The following RASA2 variants were observed in gnomAD, a reference collection of about 807,000 sequenced individuals.
RASA2 encodes RAS p21 protein activator 2, also known as ras GTPase-activating protein 2.
Under a neutral mutation model 118.2 loss-of-function variants are expected in RASA2, and 155 were observed. That is an observed-to-expected ratio of 1.31 (90% CI 1.15 to 1.50). The LOEUF (loss-of-function observed/expected upper bound fraction) is 1.50. RASA2 is among the 40% of genes most tolerant of loss of function. The probability of loss-of-function intolerance (pLI) is 0.00; values close to 1 mark genes in which losing one functional copy is unlikely to be tolerated. For missense variants in RASA2, 1,016 were observed against 1,009.6 expected, an observed-to-expected ratio of 1.01 and a Z score of -0.09; for synonymous variants, 353 against 349.1, an observed-to-expected ratio of 1.01 and a Z score of -0.12.
chr3:141,500,581 G>A (rs990770953), intron 1 of RASA2, among the ~76,000 whole-genome samples: 5 of 152,148 alleles, frequency 3.3e-5, no homozygotes, highest in African/African-American at 1.2e-4. Flanking sequence ...GTTGTGAAAA[G>A]GTTAAATGAC....
intron 2 of RASA2, 73 bp from the exon 3 acceptor site, chr3:141,516,252 AATT>A (rs1162600754): frequency 1.7e-5 from 17 of 980,024 alleles, no homozygotes; most frequent in South Asian, 6.0e-5. Context: ...GTATTTATAC[AATT>A]ATTATTGAAA....
chr3:141,580,086 ATATATATATATATATAT>A lies in RASA2; in HGVS notation c.1591-281_1591-265del, dbSNP rs1265346740. ...AAAAAAAAGAAAAAAAAAAAAAAAA[ATATATATATATATATAT>A]ATATATATATATATGACTTTTAAAA... On this transcript the variant is annotated intron_variant, in intron 15 of 23. Transcript: ENST00000286364. Among the ~76,000 whole-genome samples, 733 of 51,276 alleles carry A rather than the reference ATATATATATATATATAT, an allele frequency of 0.014. 8 individuals are homozygous for A. The highest frequency in any genetic ancestry group is 0.022 in the Non-Finnish European group (615 of 28,446). 33.6% of individuals were successfully genotyped at this position (51,276 alleles called of 152,430 possible).
At chr3:141,491,883 TATTTA>T (rs1053157528) in intron 1 of RASA2, among the ~76,000 whole-genome samples, 25 of 152,260 alleles carry the variant, frequency 1.6e-4, no homozygotes, top group African/African-American at 5.5e-4. Context: ...TAAAACCGTC[TATTTA>T]ATTCTGTGAA....
At chr3:141,575,518 C>G (rs1265763706) in intron 14 of RASA2, among the ~76,000 whole-genome samples, 4 of 152,220 alleles carry the variant, frequency 2.6e-5, no homozygotes, top group Non-Finnish European at 4.4e-5. Context: ...CCTCCATTGT[C>G]TCCTGTTCTC....
At chr3:141,592,941 G>C (rs757451235) in intron 19 of RASA2, among the ~76,000 whole-genome samples, 1 of 149,830 alleles carries the variant, frequency 6.7e-6, no homozygotes, top group Non-Finnish European at 1.5e-5. Context: ...TGGTAGAGAA[G>C]CTTATATTAG....
At chr3:141,521,548 G>A (rs1194650895) in intron 3 of RASA2, among the ~76,000 whole-genome samples, 2 of 152,080 alleles carry the variant, frequency 1.3e-5, no homozygotes, top group Non-Finnish European at 2.9e-5. Context: ...CTTTTAAATA[G>A]CAGCATAAAG....
At chr3:141,527,067 T>G (rs527498546) in intron 3 of RASA2, among the ~76,000 whole-genome samples, 4 of 152,188 alleles carry the variant, frequency 2.6e-5, no homozygotes, top group South Asian at 2.1e-4. Flanking sequence ...TTAAATAGAG[T>G]TTGGTTAGGG....
At chr3:141,595,850 A>G (rs113393021) in intron 19 of RASA2, among the ~76,000 whole-genome samples, 3,412 of 152,118 alleles carry the variant, frequency 0.022, 136 homozygotes, top group African/African-American at 0.077. Flanking sequence ...GGTGGTCTCA[A>G]ACTCCTGGAC....
intron 5 of RASA2, among the ~76,000 whole-genome samples, chr3:141,544,134 C>T (rs183039926): frequency 7.0e-4 from 107 of 152,218 alleles, no homozygotes; most frequent in Non-Finnish European, 9.0e-4. Context: ...CCTTGGCCTC[C>T]CAAAGTCCTG....
At chr3:141,521,244 G>C (rs2082107320) in intron 3 of RASA2, among the ~76,000 whole-genome samples, 1 of 152,186 alleles carries the variant, frequency 6.6e-6, no homozygotes, top group Non-Finnish European at 1.5e-5. Context: ...TTACCTGGGA[G>C]TGGATAAGGA....
At chr3:141,519,992 C>A (rs1267071332) in intron 3 of RASA2, among the ~76,000 whole-genome samples, 6 of 143,126 alleles carry the variant, frequency 4.2e-5, no homozygotes, top group Admixed American at 3.5e-4. Context: ...AGAACAATTT[C>A]TTTTCTTTTT....
chr3:141,488,182 T>G (rs1337863855), intron 1 of RASA2, among the ~76,000 whole-genome samples: 1 of 152,040 alleles, frequency 6.6e-6, no homozygotes, highest in African/African-American at 2.4e-5. Flanking sequence ...TTTTTCACAG[T>G]GGTTTATTTA....
intron 1 of RASA2, among the ~76,000 whole-genome samples, chr3:141,510,698 T>C (rs1344854482): frequency 6.6e-6 from 1 of 152,190 alleles, no homozygotes; most frequent in Non-Finnish European, 1.5e-5. Context: ...TGAAGATATC[T>C]AGGAGTGTAG....
At chr3:141,504,896 C>G (rs1339815374) in intron 1 of RASA2, among the ~76,000 whole-genome samples, 1 of 152,154 alleles carries the variant, frequency 6.6e-6, no homozygotes, top group Non-Finnish European at 1.5e-5. Flanking sequence ...CTCCAGTGTG[C>G]CAAACTATCC....
chr3:141,574,804 A>G (rs1428089933), intron 14 of RASA2, among the ~76,000 whole-genome samples: 3 of 152,254 alleles, frequency 2.0e-5, no homozygotes, highest in Admixed American at 2.0e-4. Flanking sequence ...ACTAGATTTG[A>G]CAGTTTGAGA....
At chr3:141,559,034 A>G in intron 8 of RASA2, 72 bp downstream of exon 8, 1 of 1,304,686 alleles carries the variant, frequency 7.7e-7, no homozygotes, top group Admixed American at 2.1e-5. Flanking sequence ...AACCAAAAAA[A>G]GTAAACCAAC....
chr3:141,609,389 TA>T (rs2083600562), intron 21 of RASA2, 30 bp from the exon 22 acceptor site: 1 of 1,353,754 alleles, frequency 7.4e-7, no homozygotes. Flanking sequence ...AAAATTTGTA[TA>T]ATATCTTTAT....
At chr3:141,496,096 G>A (rs1161681460) in intron 1 of RASA2, among the ~76,000 whole-genome samples, 2 of 152,194 alleles carry the variant, frequency 1.3e-5, no homozygotes, top group African/African-American at 4.8e-5. Context: ...AGCCGGTGCT[G>A]GGAAAACTGG....
chr3:141,566,765 T>C (rs1191039211), intron 9 of RASA2, among the ~76,000 whole-genome samples: 2 of 152,192 alleles, frequency 1.3e-5, no homozygotes, highest in Non-Finnish European at 2.9e-5. Flanking sequence ...GGCATTGCCT[T>C]TAGATAGAGA....
Sources: allele counts gnomAD v4.1 joint callset (sites outside exome capture counted in the v4.1 genomes callset), GRCh38; gene constraint gnomAD v4.1.1; transcripts MANE v1.5; gene names NCBI Gene and HGNC (gene_info 2026-07-23, HGNC 2026-07-21).